The following SHROOM4 variants were observed in gnomAD, a reference collection of about 807,000 sequenced individuals.
The protein encoded by SHROOM4 is protein Shroom4.
SHROOM4 carries 17 observed loss-of-function variants against 80.3 expected under a neutral mutation model. The ratio of observed to expected loss-of-function variants is 0.21; its 90% CI spans 0.14 to 0.32. The LOEUF (loss-of-function observed/expected upper bound fraction) is 0.32, where lower values mean the gene tolerates loss of function less well. SHROOM4 is among the 10% of genes least tolerant of loss of function. The pLI, the probability that SHROOM4 is intolerant of heterozygous loss-of-function variation, is 1.00. For missense variants in SHROOM4, 993 were observed against 1,140.3 expected, an observed-to-expected ratio of 0.87 and a Z score of 1.86; for synonymous variants, 400 against 437.5, an observed-to-expected ratio of 0.91 and a Z score of 1.07.
chrX:50,772,123 A>G (rs1357190637), intron 1 of SHROOM4, among the ~76,000 whole-genome samples: 1 of 110,936 alleles, frequency 9.0e-6, no homozygotes, highest in Non-Finnish European at 1.9e-5. Context: ...AATGTGGCTA[A>G]TTTTAATTTT....
intron 5 of SHROOM4, among the ~76,000 whole-genome samples, chrX:50,622,718 C>T (rs781897527): frequency 9.0e-6 from 1 of 111,395 alleles, no homozygotes; most frequent in Non-Finnish European, 1.9e-5. Context: ...TGAAGGGAAA[C>T]TCTATCAGGA....
intron 1 of SHROOM4, among the ~76,000 whole-genome samples, chrX:50,782,207 CA>C (rs372530356): frequency 0.013 from 1,256 of 96,178 alleles, 12 homozygotes; most frequent in East Asian, 0.046. Flanking sequence ...GAATACATCT[CA>C]AAAAAAAAAA....
chrX:50,682,158 G>C (rs1219895839), intron 2 of SHROOM4, among the ~76,000 whole-genome samples: 2 of 111,899 alleles, frequency 1.8e-5, no homozygotes, highest in Non-Finnish European at 3.8e-5. Flanking sequence ...AAAGTACCTA[G>C]TCAAATGCTC....
At position 50,805,151 on chromosome X, in the gene SHROOM4, G is replaced by C. The variant is rs781876584; in HGVS notation, c.117+8751C>G. 2.3e-4 allele frequency among the ~76,000 whole-genome samples: 26 copies of C among 111,551 alleles called. 1 individual carries two copies. The highest frequency in any genetic ancestry group is 8.5e-4 in the African/African-American group (26 of 30,678). ...GCAGCCCAACAAAGACAAGGCTTTA[G>C]CTTGTCATCCTCTCATAAGTAAAGA... On this transcript the variant is annotated intron_variant, in intron 1 of 8. Coordinates refer to ENST00000376020, the MANE Select transcript of SHROOM4 (RefSeq NM_020717.5).
At chrX:50,652,696 T>C (rs1310555265) in intron 2 of SHROOM4, among the ~76,000 whole-genome samples, 3 of 112,447 alleles carry the variant, frequency 2.7e-5, no homozygotes, top group African/African-American at 9.7e-5. Context: ...AGGGTTTTTA[T>C]GGTTTTAGGT....
At chrX:50,810,511 C>T (rs2147752477) in intron 1 of SHROOM4, among the ~76,000 whole-genome samples, 1 of 111,407 alleles carries the variant, frequency 9.0e-6, no homozygotes, top group East Asian at 2.8e-4. Flanking sequence ...ACCATGCTTC[C>T]TGCACCTTAC....
At chrX:50,732,395 C>T (rs1245927843) in intron 1 of SHROOM4, among the ~76,000 whole-genome samples, 9 of 110,990 alleles carry the variant, frequency 8.1e-5, no homozygotes, top group African/African-American at 2.6e-4. Context: ...CAAGAGTACA[C>T]TAAACTCAAA....
chrX:50,670,659 G>A (rs1362872430), intron 2 of SHROOM4, among the ~76,000 whole-genome samples: 1 of 111,519 alleles, frequency 9.0e-6, no homozygotes, highest in Non-Finnish European at 1.9e-5. Context: ...GCTATTTCTG[G>A]TTCTAGATCC....
chrX:50,661,365 T>C (rs1398695279), intron 2 of SHROOM4, among the ~76,000 whole-genome samples: 2 of 110,743 alleles, frequency 1.8e-5, no homozygotes, highest in African/African-American at 6.6e-5. Context: ...GCCTGGCTAA[T>C]TTTTGTATTT....
intron 7 of SHROOM4, among the ~76,000 whole-genome samples, chrX:50,601,810 T>C (rs1929425325): frequency 8.9e-6 from 1 of 112,060 alleles, no homozygotes; most frequent in Non-Finnish European, 1.9e-5. Context: ...ACTTAGTCTC[T>C]TCTGTCTCCC....
chrX:50,680,687 T>C (rs1932923367), intron 2 of SHROOM4, among the ~76,000 whole-genome samples: 1 of 111,296 alleles, frequency 9.0e-6, no homozygotes, highest in Admixed American at 9.6e-5. Flanking sequence ...TTTTATAATA[T>C]ACTTAACCCA....
At chrX:50,766,464 G>T (rs1935279794) in intron 1 of SHROOM4, among the ~76,000 whole-genome samples, 1 of 111,446 alleles carries the variant, frequency 9.0e-6, no homozygotes, top group Non-Finnish European at 1.9e-5. Flanking sequence ...GACATAGGAG[G>T]AGTTCAAGAA....
intron 2 of SHROOM4, among the ~76,000 whole-genome samples, chrX:50,669,882 T>C (rs922427256): frequency 3.6e-5 from 4 of 111,566 alleles, no homozygotes; most frequent in Non-Finnish European, 7.5e-5. Context: ...CAGTTACTTC[T>C]TCCACAGAAG....
At chrX:50,728,672 G>A (rs1293213292) in intron 1 of SHROOM4, among the ~76,000 whole-genome samples, 1 of 111,833 alleles carries the variant, frequency 8.9e-6, no homozygotes, top group Non-Finnish European at 1.9e-5. Context: ...TTGTGTGCAT[G>A]CCCAAGGCTG....
chrX:50,704,402 C>T (rs1557263774), intron 1 of SHROOM4, among the ~76,000 whole-genome samples: 1 of 111,479 alleles, frequency 9.0e-6, no homozygotes, highest in African/African-American at 3.3e-5. Flanking sequence ...AACTATTTTT[C>T]AAGTTGATCA....
chrX:50,599,117 G>A (rs1929272598), intron 7 of SHROOM4, among the ~76,000 whole-genome samples: 1 of 109,993 alleles, frequency 9.1e-6, no homozygotes, highest in African/African-American at 3.3e-5. Context: ...CAAAATGCTG[G>A]GATCACAGGT....
intron 1 of SHROOM4, among the ~76,000 whole-genome samples, chrX:50,735,147 A>C: frequency 8.9e-6 from 1 of 112,200 alleles, no homozygotes. Context: ...GAGCAATGGA[A>C]TGGCATTGAG....
At chrX:50,599,632 C>T (rs782792549) in intron 7 of SHROOM4, among the ~76,000 whole-genome samples, 9 of 111,745 alleles carry the variant, frequency 8.1e-5, no homozygotes, top group Non-Finnish European at 1.3e-4. Flanking sequence ...AGAATTAGCT[C>T]CTCATTCTCC....
chrX:50,690,202 T>G (rs552361945), intron 2 of SHROOM4, among the ~76,000 whole-genome samples: 115 of 112,156 alleles, frequency 1.0e-3, no homozygotes, highest in Admixed American at 2.6e-3. Flanking sequence ...TAATATTTTA[T>G]TAGATATTTT....
Sources: gnomAD v4.1 joint callset for allele counts (sites outside exome capture counted in the v4.1 genomes callset) on GRCh38, gnomAD v4.1.1 for gene constraint, MANE v1.5 for transcripts, NCBI Gene and HGNC (gene_info 2026-07-23, HGNC 2026-07-21) for gene names.